SGCD: variants seen among roughly 807,000 people sequenced by gnomAD.
The protein encoded by SGCD is delta-sarcoglycan.
Under a neutral mutation model 36.6 loss-of-function variants are expected in SGCD, and 18 were observed. The ratio of observed to expected loss-of-function variants is 0.49; its 90% CI spans 0.34 to 0.73. The LOEUF is 0.73. Among genes scored for constraint, SGCD ranks in the 30% least tolerant of loss-of-function variants. The probability of loss-of-function intolerance (pLI) is 0.01; values close to 1 mark genes in which losing one functional copy is unlikely to be tolerated. For missense variants in SGCD, 387 were observed against 346.7 expected, an observed-to-expected ratio of 1.12 and a Z score of -0.92; for synonymous variants, 133 against 130.6, an observed-to-expected ratio of 1.02 and a Z score of -0.12.
intron 1 of SGCD, among the ~76,000 whole-genome samples, chr5:156,015,449 T>C (rs1243030358): frequency 6.6e-6 from 1 of 152,078 alleles, no homozygotes; most frequent in Non-Finnish European, 1.5e-5. Context: ...GAAGCATATA[T>C]ATGTATATAT....
intron 3 of SGCD, among the ~76,000 whole-genome samples, chr5:156,313,772 G>A (rs1767447230): frequency 6.6e-6 from 1 of 151,990 alleles, no homozygotes; most frequent in African/African-American, 2.4e-5. Flanking sequence ...TTAAGTCAAT[G>A]CCATTAACAA....
At chr5:156,642,660 G>A (rs888815165) in intron 6 of SGCD, among the ~76,000 whole-genome samples, 2 of 151,626 alleles carry the variant, frequency 1.3e-5, no homozygotes, top group African/African-American at 4.8e-5. Context: ...GTAGCGACAA[G>A]GTTTCATCAT....
chr5:156,068,822 G>T (rs1285526489), intron 1 of SGCD, among the ~76,000 whole-genome samples: 9 of 151,782 alleles, frequency 5.9e-5, no homozygotes, highest in Non-Finnish European at 8.8e-5. Flanking sequence ...ATTCTAACTG[G>T]TGTGAGATGG....
chr5:156,764,922 G>A lies in SGCD; in HGVS notation c.*5532G>A, dbSNP rs1432852290. The A allele has an allele frequency of 6.6e-6, 1 of 152,208 alleles. No individual in the cohort carries two copies. The highest frequency in any genetic ancestry group is 1.5e-5 in the Non-Finnish European group (1 of 68,048). The allele number at this position is 152,208 out of a possible 1,614,324, so 9.4% of individuals were successfully genotyped here. ...GGAATAGAACAAAGAAACAGCCACT[G>A]TAATCGAGAAGCATGTTTACTGTCT... On this transcript the variant is annotated 3_prime_UTR_variant, in exon 9 of 9. Coordinates refer to ENST00000337851, the MANE Select transcript of SGCD (RefSeq NM_000337.6).
intron 3 of SGCD, among the ~76,000 whole-genome samples, chr5:156,493,942 A>C (rs1756059092): frequency 6.6e-6 from 1 of 152,030 alleles, no homozygotes; most frequent in Non-Finnish European, 1.5e-5. Context: ...TCCTCTTGAC[A>C]CTGGAAGCTC....
At chr5:155,902,081 G>A (rs568248133) in intron 1 of SGCD, among the ~76,000 whole-genome samples, 5 of 152,170 alleles carry the variant, frequency 3.3e-5, no homozygotes, top group Admixed American at 1.3e-4. Context: ...GGATCTTCTC[G>A]GTCAAGGCCT....
intron 3 of SGCD, among the ~76,000 whole-genome samples, chr5:156,262,645 T>C (rs933890478): frequency 5.3e-5 from 8 of 152,092 alleles, no homozygotes; most frequent in African/African-American, 1.7e-4. Context: ...ACCTGGACAG[T>C]ATACACTGTA....
chr5:155,923,104 G>A (rs1044821526), intron 1 of SGCD, among the ~76,000 whole-genome samples: 2 of 152,112 alleles, frequency 1.3e-5, no homozygotes, highest in African/African-American at 4.8e-5. Context: ...AAATATGGGG[G>A]TTTCATACTA....
intron 1 of SGCD, among the ~76,000 whole-genome samples, chr5:156,060,130 G>T (rs547173810): frequency 6.8e-6 from 1 of 146,538 alleles, no homozygotes; most frequent in Non-Finnish European, 1.5e-5. Context: ...CTATTTCAAA[G>T]GAGTTTTAGA....
chr5:156,349,291 A>G (rs766429046), intron 3 of SGCD, among the ~76,000 whole-genome samples: 1 of 152,130 alleles, frequency 6.6e-6, no homozygotes, highest in Non-Finnish European at 1.5e-5. Context: ...CGCACAGTAA[A>G]AGAAATAGTA....
chr5:156,119,499 A>G (rs148140721), intron 2 of SGCD, among the ~76,000 whole-genome samples: 4 of 152,260 alleles, frequency 2.6e-5, no homozygotes, highest in Non-Finnish European at 5.9e-5. Context: ...CCTATATGGT[A>G]TCTCCACGAT....
At chr5:156,420,665 T>TAAG (rs1773259798) in intron 3 of SGCD, among the ~76,000 whole-genome samples, 1 of 152,132 alleles carries the variant, frequency 6.6e-6, no homozygotes. Context: ...TTTGCTGAGA[T>TAAG]AAGATATCAA....
At chr5:155,781,646 T>C in the SGCD span, among the ~76,000 whole-genome samples, 2 of 151,934 alleles carry the variant, frequency 1.3e-5, no homozygotes, top group African/African-American at 4.8e-5. Flanking sequence ...GTTTTTTGTA[T>C]TTTTTGTAGA....
chr5:155,965,028 G>A (rs1304845337), intron 1 of SGCD, among the ~76,000 whole-genome samples: 1 of 152,084 alleles, frequency 6.6e-6, no homozygotes, highest in Non-Finnish European at 1.5e-5. Context: ...GGCTTCCTGG[G>A]TGCAGGGGGA....
At chr5:155,953,015 T>G (rs1757575840) in intron 1 of SGCD, among the ~76,000 whole-genome samples, 1 of 152,194 alleles carries the variant, frequency 6.6e-6, no homozygotes, top group Non-Finnish European at 1.5e-5. Flanking sequence ...GAACTTTGCT[T>G]TCAACCACCA....
intron 3 of SGCD, among the ~76,000 whole-genome samples, chr5:156,279,014 AG>A (rs1766384643): frequency 6.6e-6 from 1 of 152,188 alleles, no homozygotes; most frequent in Non-Finnish European, 1.5e-5. Context: ...AATGGCATCT[AG>A]TGGGTAGAGG....
the SGCD span, among the ~76,000 whole-genome samples, chr5:155,840,081 CAGTCT>C: frequency 1.6e-5 from 1 of 60,772 alleles, no homozygotes; most frequent in Non-Finnish European, 3.3e-5. Context: ...ACTTTTGTGT[CAGTCT>C]TTTTTTTTTT....
intron 7 of SGCD, among the ~76,000 whole-genome samples, chr5:156,711,051 G>C (rs1212930272): frequency 6.6e-6 from 1 of 152,150 alleles, no homozygotes; most frequent in Non-Finnish European, 1.5e-5. Context: ...TGTTTGGTCA[G>C]TCTTAAGATC....
intron 6 of SGCD, among the ~76,000 whole-genome samples, chr5:156,622,555 AAAAG>A (rs1230984955): frequency 1.3e-5 from 2 of 151,360 alleles, no homozygotes; most frequent in Non-Finnish European, 2.9e-5. Context: ...TTTTTTGTAA[AAAAG>A]AAAAGCATTG....
Sources: gnomAD v4.1 joint callset for allele counts (sites outside exome capture counted in the v4.1 genomes callset) on GRCh38, gnomAD v4.1.1 for gene constraint, MANE v1.5 for transcripts, NCBI Gene and HGNC (gene_info 2026-07-23, HGNC 2026-07-21) for gene names.